The following DNAH9 variants were observed in gnomAD, a reference collection of about 807,000 sequenced individuals.
DNAH9 encodes the protein DNAH9 variant protein.
DNAH9 carries 345 observed loss-of-function variants against 471.6 expected under a neutral mutation model. That is an observed-to-expected ratio of 0.73 (90% confidence interval 0.67 to 0.80). The LOEUF (loss-of-function observed/expected upper bound fraction) is 0.80. Ranked by LOEUF, DNAH9 falls within the 30% of genes least tolerant of loss-of-function variation. The pLI is 0.00. For synonymous variants in DNAH9, 2,093 were observed against 2,123.6 expected (o/e 0.99, Z 0.40); for missense variants, 5,407 against 5,609.2 (o/e 0.96, Z 1.15).
In DNAH9 at chr17:11,745,034, A is replaced by T. The variant is rs1213145272; in HGVS notation, c.6349A>T (p.Lys2117Ter). ...RDPNFEALVR[K>*]AIVDLKLQAE... is the part of the protein sequence containing the mutation. ...CCCCAACTTCGAAGCTTTGGTTAGG[A>T]AGGCGATAGTGGATCTGAAGCTCCA... The change falls in exon 31 of 69, where the codon AAG becomes TAG. Residue 2117 changes from lysine to a stop codon, truncating the protein, a stop_gained. Transcript: ENST00000262442. LOFTEE classifies it high-confidence loss of function. The T allele has an allele frequency of 6.2e-7, 1 of 1,614,028 alleles. No individual in the cohort carries two copies. Among genetic ancestry groups the T allele is most frequent in the East Asian group, 2.2e-5 (1 of 44,892 alleles).
chr17:11,609,707 A>T (rs567578523), intron 2 of DNAH9, among the ~76,000 whole-genome samples: 4 of 152,354 alleles, frequency 2.6e-5, no homozygotes, highest in Admixed American at 6.5e-5. Context: ...TATTAAAAAA[A>T]TTTTAACTGC....
At chr17:11,685,828 G>A (rs1018266867) in intron 19 of DNAH9, among the ~76,000 whole-genome samples, 2 of 134,550 alleles carry the variant, frequency 1.5e-5, no homozygotes, top group East Asian at 2.3e-4. Flanking sequence ...TTTTTGAGAC[G>A]GAGTCTCGCT....
At chr17:11,675,518 A>G (rs1177167873) in intron 17 of DNAH9, among the ~76,000 whole-genome samples, 1 of 152,170 alleles carries the variant, frequency 6.6e-6, no homozygotes, top group Non-Finnish European at 1.5e-5. Flanking sequence ...CTTGTCTCTG[A>G]TCTTAAAAGG....
chr17:11,702,938 A>G (rs1299224838), intron 24 of DNAH9, among the ~76,000 whole-genome samples: 1 of 151,996 alleles, frequency 6.6e-6, no homozygotes, highest in Admixed American at 6.5e-5. Context: ...TAAAAAATAC[A>G]AAAAATTAGC....
rs1413281422 is a variant in DNAH9 at position 11,598,845 on chromosome 17, T to G, written c.347T>G (p.Phe116Cys). ...CCCGAGCCTCCAGGGCCCGACAGCTTCCGCGGCGCAGTGGTCTGCGGGGAC... is the reference window on the plus strand; with the variant it reads ...CCCGAGCCTCCAGGGCCCGACAGCTGCCGCGGCGCAGTGGTCTGCGGGGAC... The part of the protein sequence containing the change: ...TGPEPPGPDS[F>C]RGAVVCGDLP... Residue 116 changes from phenylalanine to cysteine, a missense_variant, in exon 1 of 69, where the codon TTC (phenylalanine) becomes TGC (cysteine). By Grantham distance (205) the Phe-to-Cys change is radical. Transcript: ENST00000262442. 3 of 1,523,476 alleles carry G rather than the reference T, an allele frequency of 2.0e-6. No homozygotes were observed. The highest frequency in any genetic ancestry group is 2.6e-6 in the Non-Finnish European group (3 of 1,140,746). 94.4% of individuals were successfully genotyped at this position (1,523,476 alleles called of 1,614,324 possible). A position where few individuals can be genotyped will look rare whatever the true frequency, so the allele number is the denominator to read the frequency against.
Position 11,822,566 on chromosome 17 carries a change from C to A in DNAH9, c.8979C>A (p.Ser2993Arg). 6.2e-7 allele frequency: 1 copy of A among 1,614,156 alleles called. No homozygotes were observed. The highest frequency in any genetic ancestry group is 1.3e-5 in the African/African-American group (1 of 75,032). Reference sequence around the variant, plus strand: ...CTCAGCAAGCATTGGAGTCTGTCAGCCTCCGCTTCTTGCAGAACACAGAGG... The same window carrying A: ...CTCAGCAAGCATTGGAGTCTGTCAGACTCCGCTTCTTGCAGAACACAGAGG... ...EWPQQALESV[S>R]LRFLQNTEGI... The change falls in exon 47 of 69, where the codon AGC (serine) becomes AGA (arginine). Residue 2993 changes from serine to arginine, a missense_variant. By Grantham distance (110) the Ser-to-Arg change is moderately radical. This residue lies in a region of DNAH9 where 4,636 missense variants were observed against 4,900.3 expected (regional missense o/e 0.95). Coordinates refer to ENST00000262442, the MANE Select transcript of DNAH9 (RefSeq NM_001372.4).
intron 28 of DNAH9, among the ~76,000 whole-genome samples, chr17:11,734,976 G>A (rs965939816): frequency 2.6e-5 from 4 of 152,116 alleles, no homozygotes; most frequent in African/African-American, 4.8e-5. Context: ...AGAATCACCC[G>A]GAGGGCCTGT....
intron 45 of DNAH9, among the ~76,000 whole-genome samples, chr17:11,821,620 A>C (rs539775231): frequency 6.6e-6 from 1 of 152,194 alleles, no homozygotes; most frequent in South Asian, 2.1e-4. Context: ...CAAAAAATAC[A>C]GTAGATGGGA....
rs1971899216 is a variant in DNAH9 at position 11,862,587 on chromosome 17, T to A, written c.9934-6547T>A. Among the ~76,000 whole-genome samples, 9 of 151,954 alleles carry A rather than the reference T, an allele frequency of 5.9e-5. No individual in the cohort carries two copies. The South Asian group carries it at 1.9e-3, about 32-fold the overall frequency. ...CATTGGTAGCTTGATGGGGATGGCATTGAATCTATAAATTACCTTGGGCAG... is the reference window on the plus strand; with the variant it reads ...CATTGGTAGCTTGATGGGGATGGCAATGAATCTATAAATTACCTTGGGCAG... On this transcript the variant is annotated intron_variant, in intron 50 of 68. Coordinates refer to ENST00000262442, the MANE Select transcript of DNAH9 (RefSeq NM_001372.4).
At chr17:11,917,586 G>A (rs537744018) in intron 61 of DNAH9, among the ~76,000 whole-genome samples, 3 of 152,224 alleles carry the variant, frequency 2.0e-5, no homozygotes, top group Middle Eastern at 3.4e-3. Flanking sequence ...TTTCCCTAAA[G>A]GAGCCACACT....
At chr17:11,767,778 A>T (rs1012862694) in intron 36 of DNAH9, among the ~76,000 whole-genome samples, 1 of 152,170 alleles carries the variant, frequency 6.6e-6, no homozygotes, top group Admixed American at 6.5e-5. Flanking sequence ...GGGGCCCATT[A>T]TCTAATAGGT....
At chr17:11,756,036 G>A (rs1967369677) in intron 33 of DNAH9, among the ~76,000 whole-genome samples, 1 of 152,096 alleles carries the variant, frequency 6.6e-6, no homozygotes, top group Non-Finnish European at 1.5e-5. Context: ...GAGCACTTTG[G>A]GAAGCTGAGG....
intron 59 of DNAH9, 85 bp from the exon 60 acceptor site, chr17:11,902,634 A>C: frequency 2.5e-6 from 3 of 1,211,110 alleles, no homozygotes; most frequent in Non-Finnish European, 3.5e-6. Flanking sequence ...TGTAGATAAG[A>C]CCATCTGGCC....
chr17:11,638,648 G>C (rs1047781796), intron 9 of DNAH9, among the ~76,000 whole-genome samples: 1 of 152,126 alleles, frequency 6.6e-6, no homozygotes, highest in Non-Finnish European at 1.5e-5. Context: ...GCCTCCCAAA[G>C]TGCTGGGATT....
In DNAH9 at chr17:11,722,194, C is replaced by T. The variant is rs2075071181; in HGVS notation, c.5709+2704C>T. 2.0e-5 allele frequency among the ~76,000 whole-genome samples: 3 copies of T among 152,240 alleles called. No individual in the cohort carries two copies. The South Asian group carries it at 6.2e-4, about 32-fold the overall frequency. On this transcript the variant is annotated intron_variant, in intron 27 of 68. Coordinates refer to ENST00000262442, the MANE Select transcript of DNAH9 (RefSeq NM_001372.4). ...GCAATATACTCTGTTCAGGTCTGTC[C>T]ATAGTGAAAGCTAGAAATAAATGCG...
At position 11,640,296 on chromosome 17, in the gene DNAH9, C is replaced by T. The variant is rs764775664; in HGVS notation, c.1813C>T (p.Pro605Ser). The T allele has an allele frequency of 1.2e-6, 2 of 1,613,404 alleles. No homozygotes were observed. The highest frequency in any genetic ancestry group is 1.7e-5 in the Admixed American group (1 of 59,974). The stretch of plus-strand genomic sequence containing the variant: ...GTTCTCCCCGGTGCACAAGAACATG[C>T]CCACCGTGGCTGGCGGCCTCCGCTG... ...LGFSPVHKNM[P>S]TVAGGLRWAQ... is the part of the protein sequence containing the mutation. The change falls in exon 10 of 69, where the codon CCC (proline) becomes TCC (serine). Residue 605 changes from proline (P) to serine (S), a missense_variant. Physicochemically the swap from Pro to Ser is moderately conservative, Grantham distance 74. Transcript: ENST00000262442.
At position 11,871,462 on chromosome 17, in the gene DNAH9, C is replaced by T. The variant is rs866739042; in HGVS notation, c.10054-136C>T. The stretch of plus-strand genomic sequence containing the variant: ...TACAGGCAGCACAAATCCCCATTAA[C>T]GGAAAGGGCCATATAAGTGATATTC... On this transcript the variant is annotated intron_variant, in intron 51 of 68. Coordinates refer to ENST00000262442, the MANE Select transcript of DNAH9 (RefSeq NM_001372.4). 4.4e-5 allele frequency: 33 copies of T among 743,044 alleles called. No homozygotes were observed. In the Admixed American group the frequency reaches 5.1e-4, roughly 11 times the overall value. 46.0% of individuals were successfully genotyped at this position (743,044 alleles called of 1,614,324 possible).
intron 19 of DNAH9, among the ~76,000 whole-genome samples, chr17:11,681,381 T>C (rs2108961): frequency 0.04 from 6,076 of 152,254 alleles, 149 homozygotes; most frequent in Non-Finnish European, 0.062. Context: ...GACAGGTCTT[T>C]ACATAAACAA....
At position 11,821,142 on chromosome 17, in the gene DNAH9, C is replaced by T. The variant is rs966935692; in HGVS notation, c.8708-778C>T. On this transcript the variant is annotated intron_variant, in intron 45 of 68. Transcript: ENST00000262442. ...TACTAAAAATACAAAAAAAATTAGC[C>T]GGGCATGGTGGCGCATGCCTGTAAT... Among the ~76,000 whole-genome samples, 7 of 151,972 alleles carry T rather than the reference C, an allele frequency of 4.6e-5. 1 individual carries two copies. Among genetic ancestry groups the T allele is most frequent in the South Asian group, 2.1e-4 (1 of 4,818 alleles).
Sources: allele counts gnomAD v4.1 joint callset (sites outside exome capture counted in the v4.1 genomes callset), GRCh38; gene constraint gnomAD v4.1.1; regional missense constraint gnomAD v4.1.1; transcripts MANE v1.5; gene names NCBI Gene and HGNC (gene_info 2026-07-23, HGNC 2026-07-21).